CERS6: variants seen among roughly 807,000 people sequenced by gnomAD.
CERS6 encodes LAG1 homolog, ceramide synthase 6.
In CERS6, 26 loss-of-function variants were observed where a neutral mutation model predicts 56.8. That is an observed-to-expected ratio of 0.46 (90% confidence interval 0.34 to 0.63). CERS6 has a LOEUF of 0.63. Ranked by LOEUF, CERS6 falls within the 30% of genes least tolerant of loss-of-function variation. CERS6 has a pLI of 0.01. For missense variants in CERS6, 415 were observed against 467.5 expected (o/e 0.89, Z 1.04); for synonymous variants, 164 against 173.3 (o/e 0.95, Z 0.42).
rs557076210 is a variant in CERS6, at chr2:168,768,239, G to GT, written c.1003-1260dup. ...AGTTTTTTTTGTTTTGTTTTGTTTT[G>GT]TTTTTTTTTTTAAGACAGTTTCACT... On this transcript the variant is annotated intron_variant, in intron 9 of 9. Transcript: ENST00000305747. 2.6e-3 allele frequency among the ~76,000 whole-genome samples: 368 copies of GT among 144,122 alleles called. 3 individuals carry two copies. The highest frequency in any genetic ancestry group is 7.2e-3 in the Middle Eastern group (2 of 278). 94.5% of individuals were successfully genotyped at this position (144,122 alleles called of 152,430 possible).
chr2:168,589,802 G>T (rs1683630858), intron 3 of CERS6, among the ~76,000 whole-genome samples: 1 of 152,106 alleles, frequency 6.6e-6, no homozygotes, highest in African/African-American at 2.4e-5. Context: ...GCTAATTATT[G>T]CTTTATTGGT....
At chr2:168,727,475 G>T (rs1683383368) in intron 8 of CERS6, among the ~76,000 whole-genome samples, 1 of 151,780 alleles carries the variant, frequency 6.6e-6, no homozygotes, top group South Asian at 2.1e-4. Context: ...CTAGAACCTG[G>T]GAGGCGAAGG....
intron 3 of CERS6, among the ~76,000 whole-genome samples, chr2:168,573,156 T>C (rs1302670436): frequency 1.3e-5 from 2 of 152,112 alleles, no homozygotes; most frequent in Non-Finnish European, 2.9e-5. Flanking sequence ...AACATACTCA[T>C]GTACCCAGAC....
At chr2:168,634,007 C>A (rs1344545466) in intron 4 of CERS6, among the ~76,000 whole-genome samples, 1 of 152,084 alleles carries the variant, frequency 6.6e-6, no homozygotes, top group Non-Finnish European at 1.5e-5. Context: ...TTGCACTGAT[C>A]GGTTTTCTTC....
chr2:168,717,731 A>G (rs1574187123), intron 7 of CERS6, 141 bp from the exon 8 acceptor site: 3 of 583,086 alleles, frequency 5.1e-6, no homozygotes, highest in Non-Finnish European at 9.0e-6. Flanking sequence ...TGACATTTCA[A>G]TCGCAGGCTG....
intron 6 of CERS6, 30 bp downstream of exon 6, chr2:168,695,081 C>T (rs1686610759): frequency 1.9e-6 from 3 of 1,559,954 alleles, no homozygotes; most frequent in Non-Finnish European, 2.7e-6. Flanking sequence ...AAAGTGCTTG[C>T]AAGCATGCAT....
At chr2:168,668,690 G>T (rs1365614361) in intron 4 of CERS6, among the ~76,000 whole-genome samples, 2 of 152,054 alleles carry the variant, frequency 1.3e-5, no homozygotes, top group African/African-American at 4.8e-5. Context: ...CTGACCTCAG[G>T]TAATCTGCCC....
intron 2 of CERS6, among the ~76,000 whole-genome samples, chr2:168,551,947 A>G (rs16855476): frequency 0.096 from 14,593 of 152,254 alleles, 1,099 homozygotes; most frequent in African/African-American, 0.22. Flanking sequence ...GTACATACCT[A>G]TGATACTAAC....
At chr2:168,758,988 A>C (rs1345436970) in intron 8 of CERS6, among the ~76,000 whole-genome samples, 1 of 152,204 alleles carries the variant, frequency 6.6e-6, no homozygotes, top group Non-Finnish European at 1.5e-5. Context: ...GAATGTATGC[A>C]TCCCACACAC....
rs1321839612 is a variant in CERS6, at chr2:168,770,749, C to G, written c.*1087C>G. 6.6e-6 allele frequency: 1 copy of G among 152,452 alleles called. No homozygotes were observed. Among genetic ancestry groups the G allele is most frequent in the Non-Finnish European group, 1.5e-5 (1 of 67,990 alleles). The allele number at this position is 152,452 out of a possible 1,614,324, so 9.4% of individuals were successfully genotyped here. The stretch of plus-strand genomic sequence containing the variant: ...TTTTATTTTGCTGAGCAAAATAAAG[C>G]CAATGGGAGAAAGACTATTTTACCC... On this transcript the variant is annotated 3_prime_UTR_variant, in exon 10 of 10. Coordinates refer to ENST00000305747, the MANE Select transcript of CERS6 (RefSeq NM_203463.3).
chr2:168,660,905 T>C (rs1377890067), intron 4 of CERS6, among the ~76,000 whole-genome samples: 2 of 152,216 alleles, frequency 1.3e-5, no homozygotes, highest in African/African-American at 2.4e-5. Flanking sequence ...TTTGGATGCA[T>C]TGAAATGTGA....
chr2:168,757,747 T>C (rs1373618022), intron 8 of CERS6, among the ~76,000 whole-genome samples: 1 of 152,172 alleles, frequency 6.6e-6, no homozygotes, highest in Non-Finnish European at 1.5e-5. Flanking sequence ...GTAACTTCCA[T>C]GTTTGCTACA....
chr2:168,468,128 G>A (rs916525988), intron 1 of CERS6, among the ~76,000 whole-genome samples: 7 of 152,160 alleles, frequency 4.6e-5, no homozygotes, highest in African/African-American at 1.4e-4. Flanking sequence ...TTCTAATGGT[G>A]GAGTGTTAAA....
At chr2:168,667,651 C>T (rs1685798284) in intron 4 of CERS6, among the ~76,000 whole-genome samples, 1 of 151,990 alleles carries the variant, frequency 6.6e-6, no homozygotes, top group South Asian at 2.1e-4. Flanking sequence ...CCTGACAACT[C>T]GGAGTCATCA....
At chr2:168,637,783 G>A (rs1005514904) in intron 4 of CERS6, among the ~76,000 whole-genome samples, 1 of 152,092 alleles carries the variant, frequency 6.6e-6, no homozygotes, top group East Asian at 1.9e-4. Flanking sequence ...GTGTTTTACT[G>A]TGGTAGTAAT....
At chr2:168,613,924 T>G (rs1240792581) in intron 3 of CERS6, among the ~76,000 whole-genome samples, 2 of 152,230 alleles carry the variant, frequency 1.3e-5, no homozygotes, top group Admixed American at 6.5e-5. Flanking sequence ...AACTCACAAC[T>G]CTTGCAATCA....
At chr2:168,660,248 A>G (rs1295020405) in intron 4 of CERS6, among the ~76,000 whole-genome samples, 1 of 152,180 alleles carries the variant, frequency 6.6e-6, no homozygotes, top group Non-Finnish European at 1.5e-5. Context: ...ATATAAGAGA[A>G]TCTAAAACCT....
chr2:168,724,268 C>T (rs545107831), intron 8 of CERS6, among the ~76,000 whole-genome samples: 81 of 152,036 alleles, frequency 5.3e-4, no homozygotes, highest in African/African-American at 1.7e-3. Flanking sequence ...CTCGTGGTCT[C>T]GCTGGCTCAG....
intron 4 of CERS6, among the ~76,000 whole-genome samples, chr2:168,682,736 C>G (rs894039046): frequency 6.6e-6 from 1 of 152,178 alleles, no homozygotes; most frequent in East Asian, 1.9e-4. Flanking sequence ...TGTGTTGAGA[C>G]AGTTACAAGA....
Sources: gnomAD v4.1 joint callset for allele counts (sites outside exome capture counted in the v4.1 genomes callset) on GRCh38, gnomAD v4.1.1 for gene constraint, MANE v1.5 for transcripts, NCBI Gene and HGNC (gene_info 2026-07-23, HGNC 2026-07-21) for gene names.